Variants in CCDC146 observed in about 807,000 individuals in gnomAD.
CCDC146 encodes the protein coiled-coil domain containing 146, also known as coiled-coil domain-containing protein 146.
In CCDC146, 92 loss-of-function variants were observed where a neutral mutation model predicts 119.3. The ratio of observed to expected loss-of-function variants is 0.77; its 90% confidence interval spans 0.65 to 0.92. The LOEUF (loss-of-function observed/expected upper bound fraction) is 0.92. Ranked by LOEUF, CCDC146 falls within the 40% of genes least tolerant of loss-of-function variation. The pLI is 0.00. For missense variants in CCDC146, 1,000 were observed against 1,103.0 expected (o/e 0.91, Z 1.32); for synonymous variants, 372 against 371.8 (o/e 1.00, Z -0.01).
chr7:77,181,742 T>C (rs890065764), intron 2 of CCDC146, among the ~76,000 whole-genome samples: 2 of 152,236 alleles, frequency 1.3e-5, no homozygotes, highest in African/African-American at 4.8e-5. Flanking sequence ...TTATTGTATT[T>C]TGTTTGAGTT....
chr7:77,276,943 G>T (rs535506450), intron 11 of CCDC146, among the ~76,000 whole-genome samples: 103 of 152,296 alleles, frequency 6.8e-4, no homozygotes, highest in Admixed American at 1.5e-3. Flanking sequence ...GTGGTGGTGG[G>T]CACCTGTAAT....
chr7:77,173,872 T>C (rs1453850628), intron 2 of CCDC146, among the ~76,000 whole-genome samples: 1 of 152,188 alleles, frequency 6.6e-6, no homozygotes, highest in East Asian at 1.9e-4. Flanking sequence ...AGTGTACAGA[T>C]CAGGTTTTTT....
intron 16 of CCDC146, 145 bp downstream of exon 16, chr7:77,287,071 C>A: frequency 2.2e-6 from 2 of 907,136 alleles, no homozygotes; most frequent in Non-Finnish European, 3.3e-6. Flanking sequence ...GTAATCTAGT[C>A]ATACATTCTA....
chr7:77,293,911 T>C (rs145310628), intron 18 of CCDC146, among the ~76,000 whole-genome samples: 333 of 152,282 alleles, frequency 2.2e-3, no homozygotes, highest in African/African-American at 7.8e-3. Flanking sequence ...AAAACTGCAT[T>C]CAGAACACAC....
intron 2 of CCDC146, among the ~76,000 whole-genome samples, chr7:77,182,765 G>A (rs1791609237): frequency 1.3e-5 from 2 of 152,094 alleles, no homozygotes; most frequent in Non-Finnish European, 2.9e-5. Flanking sequence ...CTGTACTCTA[G>A]CCTGGGTGAA....
At chr7:77,195,385 CCA>C (rs1258792230) in intron 2 of CCDC146, 2 of 152,102 alleles carry the variant, frequency 1.3e-5, no homozygotes, top group Non-Finnish European at 2.9e-5. Flanking sequence ...CATTATGCTA[CCA>C]CATTTTTAAA....
chr7:77,240,709 C>T (rs894161412), intron 3 of CCDC146, among the ~76,000 whole-genome samples: 1 of 152,120 alleles, frequency 6.6e-6, no homozygotes, highest in African/African-American at 2.4e-5. Flanking sequence ...AAATAATATA[C>T]GAAGTTCCCG....
chr7:77,128,938 G>A (rs1295611834), intron 1 of CCDC146, among the ~76,000 whole-genome samples: 1 of 152,108 alleles, frequency 6.6e-6, no homozygotes, highest in African/African-American at 2.4e-5. Context: ...ACTGTAAAGT[G>A]TAGCCGAAAT....
chr7:77,295,049 T>C lies in CCDC146; in HGVS notation c.*183T>C, dbSNP rs1005566017. The C allele has an allele frequency of 1.0e-5, 6 of 591,828 alleles. No individual in the cohort carries two copies. The highest frequency in any genetic ancestry group is 3.7e-5 in the African/African-American group (2 of 53,682). The allele number at this position is 591,828 out of a possible 1,614,324, so 36.7% of individuals were successfully genotyped here. A position where few individuals can be genotyped will look rare whatever the true frequency, so the allele number is the denominator to read the frequency against. Reference sequence around the variant, plus strand: ...ACCAACTACTATACCTTTCATGACGTTGAATGGGACATAGAACTGTCCTAC... The same window carrying C: ...ACCAACTACTATACCTTTCATGACGCTGAATGGGACATAGAACTGTCCTAC... On this transcript the variant is annotated 3_prime_UTR_variant, in exon 19 of 19. Transcript: ENST00000285871.
chr7:77,187,286 T>A (rs1333910881), intron 2 of CCDC146, among the ~76,000 whole-genome samples: 2 of 152,316 alleles, frequency 1.3e-5, no homozygotes, highest in East Asian at 3.9e-4. Context: ...GAACATCCTG[T>A]TTACAGGAGA....
chr7:77,136,377 C>T (rs1415904133), intron 1 of CCDC146, among the ~76,000 whole-genome samples: 3 of 152,004 alleles, frequency 2.0e-5, no homozygotes, highest in Non-Finnish European at 2.9e-5. Flanking sequence ...ATTGATAAGC[C>T]TCTAGTGAGG....
At chr7:77,157,552 G>C (rs1791196207) in intron 1 of CCDC146, among the ~76,000 whole-genome samples, 1 of 152,136 alleles carries the variant, frequency 6.6e-6, no homozygotes, top group Non-Finnish European at 1.5e-5. Context: ...AAAACAAGGG[G>C]TACCCTGCAA....
chr7:77,255,817 A>G (rs1793167628), intron 5 of CCDC146, among the ~76,000 whole-genome samples: 1 of 152,218 alleles, frequency 6.6e-6, no homozygotes, highest in Admixed American at 6.5e-5. Context: ...TGCATGAGCT[A>G]GAGAAGTAAT....
intron 2 of CCDC146, among the ~76,000 whole-genome samples, chr7:77,202,738 A>G (rs1329558718): frequency 6.6e-6 from 1 of 152,198 alleles, no homozygotes; most frequent in Non-Finnish European, 1.5e-5. Context: ...TACCGCCTCT[A>G]CGGTTCCTCC....
chr7:77,234,660 G>T (rs1057067086), intron 2 of CCDC146, among the ~76,000 whole-genome samples: 1 of 152,074 alleles, frequency 6.6e-6, no homozygotes, highest in Non-Finnish European at 1.5e-5. Context: ...GCTAGAACCC[G>T]GGAGGTAGAG....
Position 77,132,120 on chromosome 7 carries a change from C to G in CCDC146, c.-12+9388C>G, listed in dbSNP as rs1790793294. The stretch of plus-strand genomic sequence containing the variant: ...AAACACCATCTGTGAAGCAGATGAC[C>G]TTACAGGTGAATTCTACCAGACATT... On this transcript the variant is annotated intron_variant, in intron 1 of 18. Coordinates refer to ENST00000285871, the MANE Select transcript of CCDC146 (RefSeq NM_020879.3). Among the ~76,000 whole-genome samples, 3 of 151,814 alleles carry G rather than the reference C, an allele frequency of 2.0e-5. No individual in the cohort carries two copies. The South Asian group carries it at 6.2e-4, about 31-fold the overall frequency.
At chr7:77,274,423 C>A in intron 10 of CCDC146, 59 bp from the exon 11 acceptor site, 1 of 1,148,206 alleles carries the variant, frequency 8.7e-7, no homozygotes, top group Non-Finnish European at 1.2e-6. Flanking sequence ...AAGATACTAG[C>A]TTTACTGTAT....
chr7:77,196,735 T>G lies in CCDC146; in HGVS notation c.156+28911T>G, dbSNP rs371430811. 30 of 1,614,056 alleles carry G rather than the reference T, an allele frequency of 1.9e-5. No homozygotes were observed. The highest frequency in any genetic ancestry group is 2.5e-5 in the Non-Finnish European group (29 of 1,180,036). On this transcript the variant is annotated intron_variant, in intron 2 of 18. Coordinates refer to ENST00000285871, the MANE Select transcript of CCDC146 (RefSeq NM_020879.3). The surrounding 1 kb of genome is among the most constrained non-coding windows in gnomAD (Gnocchi z 4.2). Reference sequence around the variant, plus strand: ...CCTTACTCTTGGTCAGAAGATGAATTTTATCGTTCCCCAGCCAAAATTCCC... The same window carrying G: ...CCTTACTCTTGGTCAGAAGATGAATGTTATCGTTCCCCAGCCAAAATTCCC...
At position 77,196,152 on chromosome 7, in the gene CCDC146, A is replaced by G. The variant is rs1474791244; in HGVS notation, c.156+28328A>G. ...AGCTTTATTTCAAATGCTGTGTAGCATAAGAACCTAGCCGTCAGACATCAT... is the reference window on the plus strand; with the variant it reads ...AGCTTTATTTCAAATGCTGTGTAGCGTAAGAACCTAGCCGTCAGACATCAT... On this transcript the variant is annotated intron_variant, in intron 2 of 18. Coordinates refer to ENST00000285871, the MANE Select transcript of CCDC146 (RefSeq NM_020879.3). The surrounding 1 kb of genome is among the most constrained non-coding windows in gnomAD (Gnocchi z 4.2). 2 of 678,638 alleles carry G rather than the reference A, an allele frequency of 2.9e-6. No homozygotes were observed. The highest frequency in any genetic ancestry group is 4.9e-6 in the Non-Finnish European group (2 of 408,576). 42.0% of individuals were successfully genotyped at this position (678,638 alleles called of 1,614,324 possible).
Sources: gnomAD v4.1 joint callset for allele counts (sites outside exome capture counted in the v4.1 genomes callset) on GRCh38, gnomAD v4.1.1 for gene constraint, Gnocchi (gnomAD v3.1) non-coding constraint, MANE v1.5 for transcripts, NCBI Gene and HGNC (gene_info 2026-07-23, HGNC 2026-07-21) for gene names.